TSHR: variants seen among roughly 807,000 people sequenced by gnomAD.
TSHR encodes the protein thyroid stimulating hormone receptor.
In TSHR, 51 loss-of-function variants were observed where a neutral mutation model predicts 64.1. That is an observed-to-expected ratio of 0.80 (90% CI 0.64 to 1.01). TSHR has a LOEUF of 1.01. Ranked by LOEUF, TSHR falls within the 50% of genes least tolerant of loss-of-function variation. The probability of loss-of-function intolerance (pLI) is 0.00; values close to 1 mark genes in which losing one functional copy is unlikely to be tolerated. For synonymous variants in TSHR, 361 were observed against 361.9 expected, an observed-to-expected ratio of 1.00 and a Z score of 0.03; for missense variants, 877 against 942.8, an observed-to-expected ratio of 0.93 and a Z score of 0.91.
At chr14:81,068,921 G>T (rs1886858547) in intron 3 of TSHR, among the ~76,000 whole-genome samples, 2 of 152,110 alleles carry the variant, frequency 1.3e-5, no homozygotes, top group Admixed American at 1.3e-4. Context: ...TCTAGCACCT[G>T]AAAACCAGTC....
chr14:81,090,829 C>T (rs539032232), intron 4 of TSHR, among the ~76,000 whole-genome samples: 122 of 152,212 alleles, frequency 8.0e-4, no homozygotes, highest in Non-Finnish European at 1.4e-3. Flanking sequence ...CATTCTAAGC[C>T]GAGCAGATGT....
intron 1 of TSHR, among the ~76,000 whole-genome samples, chr14:80,959,101 G>T (rs1275030444): frequency 6.6e-6 from 1 of 152,178 alleles, no homozygotes; most frequent in Non-Finnish European, 1.5e-5. Flanking sequence ...TATGGATGCA[G>T]GGGAGAGAGT....
intron 1 of TSHR, among the ~76,000 whole-genome samples, chr14:81,033,620 T>TA (rs558393145): frequency 0.16 from 20,979 of 131,090 alleles, 1,727 homozygotes; most frequent in Non-Finnish European, 0.19. Context: ...GGTCTTTTTC[T>TA]AAAAAAAAAA....
chr14:80,982,118 A>C (rs1223486941), intron 1 of TSHR: 13 of 563,582 alleles, frequency 2.3e-5, no homozygotes, highest in Non-Finnish European at 4.3e-5. Flanking sequence ...GGGCCAAAGC[A>C]AAAGACAAGC....
chr14:80,982,536 T>C, intron 1 of TSHR: 1 of 1,005,352 alleles, frequency 9.9e-7, no homozygotes, highest in Non-Finnish European at 1.4e-6. Flanking sequence ...AAGGAGATGA[T>C]GCTAGTTTTG....
intron 1 of TSHR, among the ~76,000 whole-genome samples, chr14:80,986,309 T>TAGAG (rs1194865181): frequency 1.3e-5 from 2 of 152,044 alleles, no homozygotes; most frequent in Non-Finnish European, 2.9e-5. Flanking sequence ...AAAATACAGA[T>TAGAG]AGAGAGAGAT....
At chr14:81,092,407 A>G in intron 5 of TSHR, 124 bp from the exon 6 acceptor site, 1 of 946,298 alleles carries the variant, frequency 1.1e-6, no homozygotes, top group Non-Finnish European at 1.7e-6. Flanking sequence ...GGTCAGTGAA[A>G]CTTAAAAAGA....
intron 4 of TSHR, among the ~76,000 whole-genome samples, chr14:81,088,986 CT>C (rs60086198): frequency 0.68 from 85,873 of 125,556 alleles, 29,392 homozygotes; most frequent in Non-Finnish European, 0.76. Context: ...AAAATAGTTG[CT>C]TTTTTTTTTT....
At chr14:81,000,995 G>T (rs1182156351) in intron 1 of TSHR, among the ~76,000 whole-genome samples, 1 of 152,152 alleles carries the variant, frequency 6.6e-6, no homozygotes, top group Non-Finnish European at 1.5e-5. Flanking sequence ...GGAAAAACAA[G>T]GACAGGCGAT....
In TSHR at chr14:81,129,016, A is replaced by G. The variant is rs568580824; in HGVS notation, c.693-10663A>G. ...GATACTCCCTAACCCTATATATAAT[A>G]TTTTTTTCCTCCAACACTGCTCCTG... is the stretch of plus-strand genomic sequence containing the variant. On this transcript the variant is annotated intron_variant, in intron 8 of 9. Coordinates refer to ENST00000298171, the MANE Select transcript of TSHR (RefSeq NM_000369.5). Among the ~76,000 whole-genome samples, 3 of 151,858 alleles carry G rather than the reference A, an allele frequency of 2.0e-5. No homozygotes were observed. In the East Asian group the frequency reaches 5.8e-4, roughly 30 times the overall value.
At chr14:81,113,472 T>C (rs902057452) in intron 8 of TSHR, among the ~76,000 whole-genome samples, 3 of 152,156 alleles carry the variant, frequency 2.0e-5, no homozygotes, top group African/African-American at 7.2e-5. Flanking sequence ...TGAGACTCTT[T>C]GGAATGTAGC....
chr14:81,067,372 A>G (rs1886696926), intron 2 of TSHR, among the ~76,000 whole-genome samples: 3 of 151,890 alleles, frequency 2.0e-5, no homozygotes, highest in Non-Finnish European at 2.9e-5. Context: ...GTGGCCAAAA[A>G]CAGGCACAGT....
intron 1 of TSHR, among the ~76,000 whole-genome samples, chr14:81,045,963 A>G (rs139614604): frequency 1.0e-3 from 153 of 152,344 alleles, no homozygotes; most frequent in African/African-American, 3.5e-3. Flanking sequence ...GGAGAGTCCA[A>G]GATGGCATTA....
At chr14:81,114,818 C>T (rs562769019) in intron 8 of TSHR, among the ~76,000 whole-genome samples, 11 of 152,166 alleles carry the variant, frequency 7.2e-5, no homozygotes, top group South Asian at 2.1e-4. Flanking sequence ...TCTACCAGCA[C>T]GCAGCTGGAG....
intron 7 of TSHR, among the ~76,000 whole-genome samples, chr14:81,105,569 A>T (rs1889840257): frequency 6.6e-6 from 1 of 152,036 alleles, no homozygotes; most frequent in African/African-American, 2.4e-5. Context: ...CCCCTCCTGG[A>T]CTCTGGCTGG....
At chr14:80,996,221 C>T (rs1478407488) in intron 1 of TSHR, among the ~76,000 whole-genome samples, 2 of 152,092 alleles carry the variant, frequency 1.3e-5, no homozygotes, top group Non-Finnish European at 2.9e-5. Context: ...ATCATTCTTA[C>T]TCCTGTCAAG....
intron 1 of TSHR, among the ~76,000 whole-genome samples, chr14:81,008,608 TA>T (rs1889732628): frequency 6.6e-6 from 1 of 152,202 alleles, no homozygotes; most frequent in African/African-American, 2.4e-5. Flanking sequence ...ATATGTAAAA[TA>T]AGGCAAAATA....
chr14:81,059,053 C>A (rs1260459381), intron 1 of TSHR, among the ~76,000 whole-genome samples: 1 of 152,076 alleles, frequency 6.6e-6, no homozygotes, highest in South Asian at 2.1e-4. Context: ...TATGTGCATG[C>A]CGGAGCACAT....
intron 3 of TSHR, among the ~76,000 whole-genome samples, chr14:81,081,060 A>C (rs6574623): frequency 0.073 from 11,173 of 152,166 alleles, 1,257 homozygotes; most frequent in African/African-American, 0.24. Context: ...ACCTTTAGTC[A>C]CAGCTACTTG....
Sources: allele counts gnomAD v4.1 joint callset (sites outside exome capture counted in the v4.1 genomes callset), GRCh38; gene constraint gnomAD v4.1.1; transcripts MANE v1.5; gene names NCBI Gene and HGNC (gene_info 2026-07-23, HGNC 2026-07-21).